ZNF341: variants seen among roughly 807,000 people sequenced by gnomAD.
ZNF341 encodes zinc finger protein 341.
ZNF341 carries 52 observed loss-of-function variants against 87.7 expected under a neutral mutation model. That is an observed-to-expected ratio of 0.59 (90% CI 0.47 to 0.75). The LOEUF (loss-of-function observed/expected upper bound fraction) is 0.75, where lower values mean the gene tolerates loss of function less well. Ranked by LOEUF, ZNF341 falls within the 30% of genes least tolerant of loss-of-function variation. The probability of loss-of-function intolerance (pLI) is 0.00; values close to 1 mark genes in which losing one functional copy is unlikely to be tolerated. For synonymous variants in ZNF341, 459 were observed against 472.7 expected (o/e 0.97, Z 0.38); for missense variants, 977 against 1,145.9 (o/e 0.85, Z 2.13).
chr20:33,737,140 A>G (rs2018706084), intron 1 of ZNF341, among the ~76,000 whole-genome samples: 1 of 152,104 alleles, frequency 6.6e-6, no homozygotes, highest in South Asian at 2.1e-4. Flanking sequence ...TAACCATCCA[A>G]TGGGTTCATT....
intron 10 of ZNF341, among the ~76,000 whole-genome samples, chr20:33,777,294 G>A (rs372355887): frequency 8.2e-6 from 1 of 121,430 alleles, no homozygotes; most frequent in Non-Finnish European, 1.6e-5. Context: ...CTGCACTCCC[G>A]CCTGAAGGAC....
intron 10 of ZNF341, among the ~76,000 whole-genome samples, chr20:33,772,417 C>T (rs761411795): frequency 1.3e-5 from 2 of 152,116 alleles, no homozygotes; most frequent in Non-Finnish European, 2.9e-5. Context: ...CCTGTAACTC[C>T]TGGGTGAAGC....
chr20:33,753,297 C>T lies in ZNF341; in HGVS notation c.615C>T (p.Gly205=), dbSNP rs746543699. The T allele has an allele frequency of 1.9e-6, 3 of 1,611,416 alleles. No homozygotes were observed. Among genetic ancestry groups the T allele is most frequent in the South Asian group, 2.2e-5 (2 of 90,892 alleles). ...QPPPPPPQSL[G]PPGRPNPGGN... Reference sequence around the variant, plus strand: ...CACCACCTCCACCCCAGAGCCTGGGCCCCCCTGGGCGTCCCAACCCTGGTG... The same window carrying T: ...CACCACCTCCACCCCAGAGCCTGGGTCCCCCTGGGCGTCCCAACCCTGGTG... The change falls in exon 5 of 15, where the codon GGC becomes GGT. Residue 205 remains glycine, a synonymous_variant. Coordinates refer to ENST00000375200, the MANE Select transcript of ZNF341 (RefSeq NM_001282933.2).
chr20:33,733,613 T>C (rs181166629), intron 1 of ZNF341, among the ~76,000 whole-genome samples: 88 of 152,250 alleles, frequency 5.8e-4, no homozygotes, highest in Non-Finnish European at 1.1e-3. Context: ...CCTCAAGTGA[T>C]CTGCCCGCCT....
rs1173816283 is a variant in ZNF341, at chr20:33,745,300, G to A, written c.339+1G>A. 1 of 1,610,534 alleles carries A rather than the reference G, an allele frequency of 6.2e-7. No individual in the cohort carries two copies. Among genetic ancestry groups the A allele is most frequent in the South Asian group, 1.1e-5 (1 of 91,022 alleles). Reference sequence around the variant, plus strand: ...GGCCCCAACTCCTGCCAATCGCCAGGTATTTGTTCATTTATTCATTCAACA... The same window carrying A: ...GGCCCCAACTCCTGCCAATCGCCAGATATTTGTTCATTTATTCATTCAACA... On this transcript the variant is annotated splice_donor_variant, in intron 3 of 14. Transcript: ENST00000375200. LOFTEE classifies it high-confidence loss of function.
chr20:33,759,410 G>A (rs1191893930), intron 7 of ZNF341, among the ~76,000 whole-genome samples: 3 of 152,074 alleles, frequency 2.0e-5, no homozygotes, highest in African/African-American at 4.8e-5. Flanking sequence ...TCAGCCTCCC[G>A]AGTAGCTTGG....
At chr20:33,753,514 A>G (rs2019106372) in intron 5 of ZNF341, 91 bp downstream of exon 5, 1 of 1,440,726 alleles carries the variant, frequency 6.9e-7, no homozygotes, top group East Asian at 2.5e-5. Flanking sequence ...TGTGCCAGAC[A>G]CTGTGCTGGG....
chr20:33,748,905 C>T lies in ZNF341; in HGVS notation c.340-18C>T, dbSNP rs1024202680. On this transcript the variant is annotated intron_variant, in intron 3 of 14. Transcript: ENST00000375200. Reference sequence around the variant, plus strand: ...TGTCTCTCTCCGTCTCACTCATTCTCTCTCTCCCACTGTCCAGATCTCCAC... The same window carrying T: ...TGTCTCTCTCCGTCTCACTCATTCTTTCTCTCCCACTGTCCAGATCTCCAC... The T allele has an allele frequency of 6.2e-7, 1 of 1,601,292 alleles. No individual in the cohort carries two copies.
chr20:33,757,876 A>G (rs2019213609), intron 6 of ZNF341, among the ~76,000 whole-genome samples: 1 of 152,176 alleles, frequency 6.6e-6, no homozygotes. Context: ...TGAGGAGTGA[A>G]GAAGGAGAGA....
chr20:33,782,383 C>T (rs750740459), intron 11 of ZNF341, among the ~76,000 whole-genome samples: 4 of 152,172 alleles, frequency 2.6e-5, no homozygotes, highest in Non-Finnish European at 4.4e-5. Context: ...CGGTGTTCCC[C>T]GCAGTCTGGA....
chr20:33,784,759 C>T (rs6057906), intron 12 of ZNF341, among the ~76,000 whole-genome samples: 2,409 of 152,052 alleles, frequency 0.016, 54 homozygotes, highest in African/African-American at 0.056. Context: ...GGATTACAGG[C>T]TCCCACCACC....
At chr20:33,735,840 C>T (rs2018671177) in intron 1 of ZNF341, among the ~76,000 whole-genome samples, 1 of 152,028 alleles carries the variant, frequency 6.6e-6, no homozygotes, top group Admixed American at 6.6e-5. Context: ...CCCCTTCTCC[C>T]ACCATCCTTG....
intron 5 of ZNF341, among the ~76,000 whole-genome samples, chr20:33,753,964 C>T (rs887145294): frequency 4.6e-5 from 7 of 152,258 alleles, no homozygotes; most frequent in Admixed American, 2.0e-4. Context: ...CTAGGATGGC[C>T]TGGGCTGGGA....
rs1436162869 is a variant in ZNF341 at position 33,761,895 on chromosome 20, A to C, written c.1062A>C (p.Ala354=). Residue 354 remains alanine, a synonymous_variant, in exon 8 of 15, where the codon GCA becomes GCC. Coordinates refer to ENST00000375200, the MANE Select transcript of ZNF341 (RefSeq NM_001282933.2). ...GTGAGAAGCCCTTCCAGTGCATTGC[A>C]TGTGGCCGTGCCTTTGCCCAGAAGT... ...HTGEKPFQCI[A]CGRAFAQKSN... is the part of the protein sequence containing the mutation. 2 of 1,587,174 alleles carry C rather than the reference A, an allele frequency of 1.3e-6. No individual in the cohort carries two copies. Among genetic ancestry groups the C allele is most frequent in the Non-Finnish European group, 8.6e-7 (1 of 1,160,386 alleles).
chr20:33,748,995 G>A lies in ZNF341; in HGVS notation c.412G>A (p.Asp138Asn). ...GGTGCAGGGGAACATCTTGGTGAGC[G>A]ATGATGTGCTCATGTCTGCCATGTC... is the stretch of plus-strand genomic sequence containing the variant. Reference protein sequence around the residue: ...TLVQGNILVSDDVLMSAMSAF... With the variant: ...TLVQGNILVSNDVLMSAMSAF... The change falls in exon 4 of 15, where the codon GAT (aspartate) becomes AAT (asparagine). Residue 138 changes from aspartate to asparagine, a missense_variant. Physicochemically the swap from Asp to Asn is conservative, Grantham distance 23 (BLOSUM62 1). Coordinates refer to ENST00000375200, the MANE Select transcript of ZNF341 (RefSeq NM_001282933.2). 3 of 1,614,190 alleles carry A rather than the reference G, an allele frequency of 1.9e-6. No individual in the cohort carries two copies. Among genetic ancestry groups the A allele is most frequent in the South Asian group, 1.1e-5 (1 of 91,080 alleles).
chr20:33,737,778 C>G (rs2018722899), intron 1 of ZNF341, among the ~76,000 whole-genome samples: 1 of 151,914 alleles, frequency 6.6e-6, no homozygotes, highest in Non-Finnish European at 1.5e-5. Context: ...CTACGTGGAG[C>G]CATTGGTTGT....
In ZNF341 at chr20:33,787,232, T is replaced by A. The variant is rs1186938967; in HGVS notation, c.1853-1631T>A. On this transcript the variant is annotated intron_variant, in intron 12 of 14. Coordinates refer to ENST00000375200, the MANE Select transcript of ZNF341 (RefSeq NM_001282933.2). Reference sequence around the variant, plus strand: ...GTGTGCAGGTTGTATTTTTTCTTTCTTTTTTTTTTGTTGGAGCTTACATAT... The same window carrying A: ...GTGTGCAGGTTGTATTTTTTCTTTCATTTTTTTTTGTTGGAGCTTACATAT... The A allele has an allele frequency of 3.1e-3, 202 of 65,468 alleles. 1 individual carries two copies. Among genetic ancestry groups the A allele is most frequent in the African/African-American group, 0.01 (200 of 19,404 alleles). 4.1% of individuals were successfully genotyped at this position (65,468 alleles called of 1,614,324 possible). A position where few individuals can be genotyped will look rare whatever the true frequency, so the allele number is the denominator to read the frequency against.
At chr20:33,768,433 T>G (rs532319634) in intron 9 of ZNF341, among the ~76,000 whole-genome samples, 48 of 144,578 alleles carry the variant, frequency 3.3e-4, no homozygotes, top group Non-Finnish European at 5.8e-4. Flanking sequence ...CGTGTTTTTG[T>G]TTTTTTTTTA....
At position 33,789,539 on chromosome 20, in the gene ZNF341, G is replaced by A; in HGVS notation, c.1986G>A (p.Lys662=). The change falls in exon 14 of 15, where the codon AAG becomes AAA. Residue 662 remains lysine (K), a synonymous_variant. Transcript: ENST00000375200. ...TTAGGACGCACACAGGCTGCAGTAA[G>A]GAGTTCAACCGGCCGGACAAGCTGA... ...CPFSTHTGCS[K]EFNRPDKLKA... 1.2e-6 allele frequency: 2 copies of A among 1,614,112 alleles called. No individual in the cohort carries two copies. Among genetic ancestry groups the A allele is most frequent in the South Asian group, 1.1e-5 (1 of 91,082 alleles).
Sources: gnomAD v4.1 joint callset for allele counts (sites outside exome capture counted in the v4.1 genomes callset) on GRCh38, gnomAD v4.1.1 for gene constraint, MANE v1.5 for transcripts, NCBI Gene and HGNC (gene_info 2026-07-23, HGNC 2026-07-21) for gene names.